CD164: variants seen among roughly 807,000 people sequenced by gnomAD.
The protein encoded by CD164 is sialomucin core protein 24.
Under a neutral mutation model 24.6 loss-of-function variants are expected in CD164, and 11 were observed. The observed-to-expected ratio is 0.45, with a 90% CI of 0.28 to 0.74. The LOEUF is 0.74. Among genes scored for constraint, CD164 ranks in the 30% least tolerant of loss-of-function variants. CD164 has a pLI of 0.13. For missense variants in CD164, 295 were observed against 243.7 expected (o/e 1.21, Z -1.40); for synonymous variants, 126 against 100.3 (o/e 1.26, Z -1.53).
intron 1 of CD164, 36 bp downstream of exon 1, chr6:109,382,168 A>C: frequency 6.8e-7 from 1 of 1,480,584 alleles, no homozygotes. Context: ...TCGGCTGGGC[A>C]GGGGAGGGCG....
intron 2 of CD164, among the ~76,000 whole-genome samples, chr6:109,378,686 A>G (rs918422888): frequency 1.1e-4 from 17 of 152,182 alleles, no homozygotes; most frequent in Non-Finnish European, 2.2e-4. Flanking sequence ...CAACTCTTAC[A>G]TACTCCCATA....
At chr6:109,378,039 T>A (rs952680211) in intron 2 of CD164, 68 bp from the exon 3 acceptor site, 101 of 1,291,828 alleles carry the variant, frequency 7.8e-5, no homozygotes, top group Non-Finnish European at 7.0e-5. Context: ...TTGACTCTGC[T>A]ACTAAGCTCT....
In CD164 at chr6:109,368,837, T is replaced by C. The variant is rs1422088562; in HGVS notation, c.*14A>G. 6.2e-7 allele frequency: 1 copy of C among 1,601,700 alleles called. No individual in the cohort carries two copies. The highest frequency in any genetic ancestry group is 8.5e-7 in the Non-Finnish European group (1 of 1,176,258). ...CAAATGAATCACCAGTCCTTATTAA[T>C]TCAATGGGTCTGTTTACAGAGTGTG... On this transcript the variant is annotated 3_prime_UTR_variant, in exon 6 of 6. Transcript: ENST00000310786.
chr6:109,381,787 T>C lies in CD164; in HGVS notation c.175+417A>G, dbSNP rs1442491501. The C allele has an allele frequency of 5.3e-6, 3 of 569,462 alleles. No individual in the cohort carries two copies. The East Asian group carries it at 9.0e-5, about 17-fold the overall frequency. 35.3% of individuals were successfully genotyped at this position (569,462 alleles called of 1,614,324 possible). A position where few individuals can be genotyped will look rare whatever the true frequency, so the allele number is the denominator to read the frequency against. On this transcript the variant is annotated intron_variant, in intron 1 of 5. Coordinates refer to ENST00000310786, the MANE Select transcript of CD164 (RefSeq NM_006016.6). ...AGGCGCCGGGAGGGTGAACAACCAGTGGCAGGGAGAGGCAGCTCGGCCCCA... is the reference window on the plus strand; with the variant it reads ...AGGCGCCGGGAGGGTGAACAACCAGCGGCAGGGAGAGGCAGCTCGGCCCCA...
At chr6:109,376,868 G>A (rs1460483367) in intron 3 of CD164, among the ~76,000 whole-genome samples, 2 of 152,206 alleles carry the variant, frequency 1.3e-5, no homozygotes, top group Non-Finnish European at 2.9e-5. Flanking sequence ...AGGTCCAGTA[G>A]CTCAAGCATG....
chr6:109,368,616 T>C lies in CD164; in HGVS notation c.*235A>G. ...AATATAATCCCACAGCAGCAGCTAT[T>C]TAAAATAAGACAGCCACAGGATTCA... On this transcript the variant is annotated 3_prime_UTR_variant, in exon 6 of 6. Transcript: ENST00000310786. 1 of 1,351,102 alleles carries C rather than the reference T, an allele frequency of 7.4e-7. No homozygotes were observed. The highest frequency in any genetic ancestry group is 9.5e-7 in the Non-Finnish European group (1 of 1,057,630). 83.7% of individuals were successfully genotyped at this position (1,351,102 alleles called of 1,614,324 possible).
At chr6:109,378,093 A>G in intron 2 of CD164, 122 bp from the exon 3 acceptor site, 2 of 721,840 alleles carry the variant, frequency 2.8e-6, no homozygotes, top group Non-Finnish European at 2.3e-6. Flanking sequence ...AGGGGGAACC[A>G]CTTTAGGTGT....
At chr6:109,377,102 A>T (rs1771451363) in intron 3 of CD164, among the ~76,000 whole-genome samples, 1 of 152,198 alleles carries the variant, frequency 6.6e-6, no homozygotes. Context: ...GTGCCACTGC[A>T]CTCCAGCCTG....
At chr6:109,376,518 G>A (rs778804236) in intron 3 of CD164, among the ~76,000 whole-genome samples, 1 of 152,206 alleles carries the variant, frequency 6.6e-6, no homozygotes, top group African/African-American at 2.4e-5. Context: ...TTTGAGAGGT[G>A]AAAGAGTAAA....
chr6:109,374,404 C>T (rs1582477518), intron 4 of CD164, among the ~76,000 whole-genome samples: 2 of 151,970 alleles, frequency 1.3e-5, no homozygotes, highest in East Asian at 3.9e-4. Flanking sequence ...TATCACTCTA[C>T]CTCTCCTCCT....
intron 1 of CD164, chr6:109,381,574 CAT>C (rs1488250677): frequency 1.4e-6 from 1 of 702,478 alleles, no homozygotes; most frequent in African/African-American, 1.7e-5. Flanking sequence ...TTCCTTTTCG[CAT>C]ACTTTGAAGT....
At chr6:109,374,764 C>T (rs1771299500) in intron 4 of CD164, among the ~76,000 whole-genome samples, 1 of 152,184 alleles carries the variant, frequency 6.6e-6, no homozygotes, top group Non-Finnish European at 1.5e-5. Context: ...ACTCACCGTA[C>T]TACTTCACAT....
At chr6:109,375,862 C>G (rs1379305017) in intron 4 of CD164, 28 of 503,034 alleles carry the variant, frequency 5.6e-5, no homozygotes, top group Non-Finnish European at 8.6e-5. Flanking sequence ...CTCAGCAAAT[C>G]TGCTCACATT....
intron 1 of CD164, 94 bp downstream of exon 1, chr6:109,382,110 C>G: frequency 8.6e-7 from 1 of 1,156,768 alleles, no homozygotes; most frequent in Non-Finnish European, 1.1e-6. Flanking sequence ...CCCGCCCGAC[C>G]GTGGCCCGAA....
At chr6:109,373,424 C>A (rs905570421) in intron 4 of CD164, among the ~76,000 whole-genome samples, 1 of 152,126 alleles carries the variant, frequency 6.6e-6, no homozygotes, top group Non-Finnish European at 1.5e-5. Context: ...GAAAAGAAAC[C>A]GCCTAAAGGT....
chr6:109,370,269 C>T, intron 5 of CD164, 142 bp downstream of exon 5: 3 of 660,556 alleles, frequency 4.5e-6, no homozygotes, highest in Non-Finnish European at 8.0e-6. Flanking sequence ...CAAAGCACTA[C>T]CTTGATCCCC....
chr6:109,368,327 T>C lies in CD164; in HGVS notation c.*524A>G, dbSNP rs747647412. On this transcript the variant is annotated 3_prime_UTR_variant, in exon 6 of 6. Transcript: ENST00000310786. ...AGTTCCTTGTGTGGCATCTTATTTC[T>C]AATGTAGAAAAAACAGCTGTTATCA... 60 of 1,542,262 alleles carry C rather than the reference T, an allele frequency of 3.9e-5. No individual in the cohort carries two copies. Among genetic ancestry groups the C allele is most frequent in the Non-Finnish European group, 4.9e-5 (56 of 1,142,730 alleles).
intron 2 of CD164, among the ~76,000 whole-genome samples, chr6:109,379,263 TAGGGAGG>T (rs1771598158): frequency 6.6e-6 from 1 of 152,158 alleles, no homozygotes; most frequent in East Asian, 1.9e-4. Flanking sequence ...TCTTGGCTAC[TAGGGAGG>T]CCAAGGTTGG....
chr6:109,368,971 C>T lies in CD164; in HGVS notation c.474G>A (p.Lys158=). 6.2e-7 allele frequency: 1 copy of T among 1,613,892 alleles called. No individual in the cohort carries two copies. The highest frequency in any genetic ancestry group is 1.7e-5 in the Admixed American group (1 of 59,990). Residue 158 remains lysine (K), a synonymous_variant, in exon 6 of 6, where the codon AAG becomes AAA. Transcript: ENST00000310786. ...TGAAACTGGCTGCATCAAAGGTAGA[C>T]TTTCGCACAGGTTGTGAGGTTGGAG... ...TVTPTSQPVR[K]STFDAASFIG... is the part of the protein sequence containing the mutation.
Sources: allele counts gnomAD v4.1 joint callset (sites outside exome capture counted in the v4.1 genomes callset), GRCh38; gene constraint gnomAD v4.1.1; transcripts MANE v1.5; gene names NCBI Gene and HGNC (gene_info 2026-07-23, HGNC 2026-07-21).